TIAM1: variants seen among roughly 807,000 people sequenced by gnomAD.
The protein encoded by TIAM1 is rho guanine nucleotide exchange factor TIAM1.
A neutral mutation model predicts 163.5 loss-of-function variants in TIAM1; 65 were observed. The ratio of observed to expected loss-of-function variants is 0.40; its 90% CI spans 0.33 to 0.49. The LOEUF is 0.49. TIAM1 is among the 20% of genes least tolerant of loss of function. TIAM1 has a pLI of 0.77. For missense variants in TIAM1, 1,789 were observed against 2,044.7 expected (o/e 0.87, Z 2.41); for synonymous variants, 833 against 810.1 (o/e 1.03, Z -0.48).
chr21:31,185,704 A>G (rs1232266858), intron 14 of TIAM1, among the ~76,000 whole-genome samples: 2 of 149,832 alleles, frequency 1.3e-5, no homozygotes, highest in Non-Finnish European at 3.0e-5. Flanking sequence ...ACATAATTAT[A>G]TACTATTACA....
At chr21:31,152,602 G>A in intron 19 of TIAM1, 34 bp downstream of exon 19, 1 of 1,612,482 alleles carries the variant, frequency 6.2e-7, no homozygotes, top group Non-Finnish European at 8.5e-7. Context: ...CCACACTATA[G>A]CCCTGACGCT....
chr21:31,274,700 C>T (rs2073212284), intron 3 of TIAM1, among the ~76,000 whole-genome samples: 1 of 152,190 alleles, frequency 6.6e-6, no homozygotes, highest in African/African-American at 2.4e-5. Context: ...GATTCTACCA[C>T]TGGGGTCAAA....
At chr21:31,269,588 TACAGGAG>T (rs2146830190) in intron 3 of TIAM1, among the ~76,000 whole-genome samples, 1 of 151,822 alleles carries the variant, frequency 6.6e-6, no homozygotes, top group African/African-American at 2.4e-5. Context: ...GCTCATTGCA[TACAGGAG>T]ACACAATCTC....
chr21:31,456,387 T>C (rs1279574517), intron 2 of TIAM1, among the ~76,000 whole-genome samples: 1 of 152,174 alleles, frequency 6.6e-6, no homozygotes, highest in Non-Finnish European at 1.5e-5. Flanking sequence ...GTAGCCTCCC[T>C]GCCGCCCTGG....
chr21:31,227,669 A>G (rs1292055948), intron 6 of TIAM1, among the ~76,000 whole-genome samples: 1 of 152,274 alleles, frequency 6.6e-6, no homozygotes, highest in South Asian at 2.1e-4. Flanking sequence ...GGAAAAATGC[A>G]TGTCTATTTA....
chr21:31,557,125 G>C (rs948052233), intron 1 of TIAM1, among the ~76,000 whole-genome samples: 1 of 152,102 alleles, frequency 6.6e-6, no homozygotes, highest in Non-Finnish European at 1.5e-5. Flanking sequence ...TCTTGAAGAA[G>C]AAAGAAGAAA....
rs1031491269 is a variant in TIAM1 at position 31,141,105 on chromosome 21, T to A, written c.3774+13A>T. ...TTTCCTGACAGATGTCCTGAGAAGA[T>A]GGGGACCCTCACCTCTTTTTTCTCA... On this transcript the variant is annotated intron_variant, in intron 22 of 27. Coordinates refer to ENST00000541036, the MANE Select transcript of TIAM1 (RefSeq NM_001353694.2). This position sits in a 1 kb window ranked among gnomAD's most constrained non-coding sequence, Gnocchi z 4.7. The A allele has an allele frequency of 2.2e-5, 36 of 1,601,302 alleles. No individual in the cohort carries two copies. Among genetic ancestry groups the A allele is most frequent in the Non-Finnish European group, 2.6e-5 (31 of 1,171,386 alleles).
intron 1 of TIAM1, among the ~76,000 whole-genome samples, chr21:31,489,546 A>AGGGAC: frequency 1.1e-5 from 1 of 92,408 alleles, no homozygotes. Flanking sequence ...GAGGGAGGGA[A>AGGGAC]AATTGTGCTA....
intron 22 of TIAM1, among the ~76,000 whole-genome samples, chr21:31,140,497 A>G (rs1362431282): frequency 2.0e-5 from 3 of 152,218 alleles, no homozygotes; most frequent in Admixed American, 6.5e-5. Context: ...TGATATATGT[A>G]CTGTATAACC....
intron 2 of TIAM1, among the ~76,000 whole-genome samples, chr21:31,413,492 G>A (rs1451885588): frequency 2.6e-5 from 4 of 151,550 alleles, no homozygotes; most frequent in East Asian, 1.9e-4. Context: ...GGATGGTCTC[G>A]ATTTCCTGAC....
intron 2 of TIAM1, among the ~76,000 whole-genome samples, chr21:31,457,385 A>G (rs887020682): frequency 6.6e-6 from 1 of 152,224 alleles, no homozygotes; most frequent in Non-Finnish European, 1.5e-5. Context: ...CAGCAATGAC[A>G]ACGACATTAA....
intron 1 of TIAM1, among the ~76,000 whole-genome samples, chr21:31,468,590 C>T (rs1441744112): frequency 1.3e-5 from 2 of 151,858 alleles, no homozygotes; most frequent in Non-Finnish European, 2.9e-5. Context: ...TCCTAGCTAA[C>T]ACGGTGAAAC....
intron 1 of TIAM1, among the ~76,000 whole-genome samples, chr21:31,491,782 C>T (rs1429319826): frequency 6.6e-6 from 1 of 152,200 alleles, no homozygotes; most frequent in African/African-American, 2.4e-5. Context: ...ATCTACGAGA[C>T]TTTGGAGAAG....
At chr21:31,166,483 T>C (rs2084221929) in intron 15 of TIAM1, among the ~76,000 whole-genome samples, 3 of 152,172 alleles carry the variant, frequency 2.0e-5, no homozygotes, top group Non-Finnish European at 4.4e-5. Flanking sequence ...AGGGAGGAAG[T>C]GGACCCCTGA....
chr21:31,504,308 G>A (rs547534783), intron 1 of TIAM1, among the ~76,000 whole-genome samples: 176 of 152,360 alleles, frequency 1.2e-3, no homozygotes, highest in African/African-American at 4.1e-3. Context: ...GGTGCATCCA[G>A]AAGAGGGGGC....
At chr21:31,486,700 C>T (rs2046283378) in intron 1 of TIAM1, among the ~76,000 whole-genome samples, 1 of 152,232 alleles carries the variant, frequency 6.6e-6, no homozygotes, top group African/African-American at 2.4e-5. Flanking sequence ...CTGGGCCATC[C>T]TTCCTGATGG....
intron 1 of TIAM1, among the ~76,000 whole-genome samples, chr21:31,550,088 C>T (rs939196455): frequency 6.6e-6 from 1 of 151,270 alleles, no homozygotes; most frequent in Non-Finnish European, 1.5e-5. Context: ...CGTGCCTCTG[C>T]ACTCCAGCCT....
At chr21:31,422,975 GTC>G (rs957573950) in intron 2 of TIAM1, among the ~76,000 whole-genome samples, 3 of 144,994 alleles carry the variant, frequency 2.1e-5, no homozygotes, top group African/African-American at 7.7e-5. Flanking sequence ...TACAGGCCCA[GTC>G]TCTCTCTCTC....
chr21:31,369,169 T>G (rs1033000285), intron 2 of TIAM1, among the ~76,000 whole-genome samples: 1 of 143,242 alleles, frequency 7.0e-6, no homozygotes, highest in Non-Finnish European at 1.5e-5. Flanking sequence ...GAGCTTGCAG[T>G]GAGCCGAGAT....
Sources: gnomAD v4.1 joint callset for allele counts (sites outside exome capture counted in the v4.1 genomes callset) on GRCh38, gnomAD v4.1.1 for gene constraint, Gnocchi (gnomAD v3.1) non-coding constraint, MANE v1.5 for transcripts, NCBI Gene and HGNC (gene_info 2026-07-23, HGNC 2026-07-21) for gene names.